The following TSHZ2 variants were observed in gnomAD, a reference collection of about 807,000 sequenced individuals.
TSHZ2 encodes teashirt homolog 2.
Under a neutral mutation model 74.4 loss-of-function variants are expected in TSHZ2, and 21 were observed. The observed-to-expected ratio is 0.28, with a 90% confidence interval of 0.20 to 0.41. The LOEUF is 0.41. Among genes scored for constraint, TSHZ2 ranks in the 10% least tolerant of loss-of-function variants. The pLI is 1.00. For synonymous variants in TSHZ2, 540 were observed against 515.3 expected (o/e 1.05, Z -0.65); for missense variants, 1,244 against 1,293.5 (o/e 0.96, Z 0.59).
Position 53,116,255 on chromosome 20 carries a change from T to A in TSHZ2, c.41-137244T>A, listed in dbSNP as rs1284083916. Among the ~76,000 whole-genome samples the A allele has an allele frequency of 3.1e-3, 472 of 152,352 alleles. 2 individuals carry two copies. Among genetic ancestry groups the A allele is most frequent in the African/African-American group, 0.011 (459 of 41,584 alleles). The stretch of plus-strand genomic sequence containing the variant: ...AAATGATGAAAAAGGAATGCACATT[T>A]AAGGAGGGAGGGGAGATGCCCTAGT... On this transcript the variant is annotated intron_variant, in intron 1 of 2. Transcript: ENST00000371497.
At chr20:53,196,702 AT>A (rs1988879891) in intron 1 of TSHZ2, among the ~76,000 whole-genome samples, 1 of 152,212 alleles carries the variant, frequency 6.6e-6, no homozygotes, top group South Asian at 2.1e-4. Context: ...ATACGATCTT[AT>A]TCACACAACA....
At chr20:53,099,920 A>G (rs1249348045) in intron 1 of TSHZ2, among the ~76,000 whole-genome samples, 1 of 152,170 alleles carries the variant, frequency 6.6e-6, no homozygotes, top group Non-Finnish European at 1.5e-5. Context: ...TCCTCTACAC[A>G]CTAACCTGGT....
At chr20:53,014,591 C>T (rs1982970159) in intron 1 of TSHZ2, among the ~76,000 whole-genome samples, 1 of 152,150 alleles carries the variant, frequency 6.6e-6, no homozygotes. Flanking sequence ...GTTCTACCCT[C>T]CTCTTCCTCT....
At chr20:53,292,205 A>G (rs1370899095) in intron 2 of TSHZ2, among the ~76,000 whole-genome samples, 1 of 152,162 alleles carries the variant, frequency 6.6e-6, no homozygotes, top group Non-Finnish European at 1.5e-5. Flanking sequence ...CATGTTTTCT[A>G]TACCAAAACT....
chr20:53,380,106 G>A (rs16998009), intron 2 of TSHZ2, among the ~76,000 whole-genome samples: 18,869 of 151,996 alleles, frequency 0.12, 2,784 homozygotes, highest in African/African-American at 0.35. Flanking sequence ...TTCAAGAGAA[G>A]CCTAACTTGA....
chr20:53,187,309 G>A (rs769346779), intron 1 of TSHZ2, among the ~76,000 whole-genome samples: 10 of 152,132 alleles, frequency 6.6e-5, no homozygotes, highest in Non-Finnish European at 1.5e-4. Flanking sequence ...AGCAGGTATC[G>A]ATTGTGTATA....
At chr20:53,396,863 AC>A (rs1422605867) in intron 2 of TSHZ2, among the ~76,000 whole-genome samples, 12 of 151,510 alleles carry the variant, frequency 7.9e-5, no homozygotes, top group Admixed American at 5.3e-4. Flanking sequence ...AAAAAAAAAA[AC>A]AGAGAGAGAA....
intron 1 of TSHZ2, among the ~76,000 whole-genome samples, chr20:53,093,033 A>T (rs1157777929): frequency 3.3e-5 from 5 of 152,214 alleles, no homozygotes; most frequent in Non-Finnish European, 5.9e-5. Context: ...TAGGGAGCAC[A>T]GAAGAGATGC....
At chr20:53,082,418 C>T (rs1334452396) in intron 1 of TSHZ2, among the ~76,000 whole-genome samples, 1 of 152,122 alleles carries the variant, frequency 6.6e-6, no homozygotes, top group Non-Finnish European at 1.5e-5. Context: ...GTGGGAGGCA[C>T]CATTAGTAGT....
At position 53,255,578 on chromosome 20, in the gene TSHZ2, G is replaced by A; in HGVS notation, c.2120G>A (p.Gly707Asp). ...CAGTCCGTCCTGAACAATCACTTGGGCAAAGCCACGGAGCCCTTGCGCTCA... is the reference window on the plus strand; with the variant it reads ...CAGTCCGTCCTGAACAATCACTTGGACAAAGCCACGGAGCCCTTGCGCTCA... ...ALQSVLNNHL[G>D]KATEPLRSPS... Residue 707 changes from glycine to aspartate, a missense_variant, in exon 2 of 3, where the codon GGC becomes GAC. By Grantham distance (94) the Gly-to-Asp change is moderately conservative (BLOSUM62 -1). This residue lies in a region of TSHZ2 where 562 missense variants were observed against 544.0 expected (regional missense o/e 1.03). Coordinates refer to ENST00000371497, the MANE Select transcript of TSHZ2 (RefSeq NM_173485.6). This position sits in a 1 kb window ranked among gnomAD's most constrained non-coding sequence, Gnocchi z 4.1. 3 of 1,581,490 alleles carry A rather than the reference G, an allele frequency of 1.9e-6. No individual in the cohort carries two copies. The highest frequency in any genetic ancestry group is 1.2e-5 in the South Asian group (1 of 85,076).
intron 1 of TSHZ2, among the ~76,000 whole-genome samples, chr20:53,022,693 T>C (rs953835825): frequency 6.6e-6 from 1 of 152,216 alleles, no homozygotes; most frequent in African/African-American, 2.4e-5. Context: ...CTCCCAGGTA[T>C]ACAGACAATA....
At chr20:53,164,046 ATC>A (rs1988010141) in intron 1 of TSHZ2, among the ~76,000 whole-genome samples, 2 of 152,080 alleles carry the variant, frequency 1.3e-5, no homozygotes, top group African/African-American at 4.8e-5. Context: ...TGCTTATTTA[ATC>A]TCTCCTTTAT....
intron 1 of TSHZ2, among the ~76,000 whole-genome samples, chr20:53,181,416 C>A (rs75103320): frequency 0.021 from 3,187 of 152,270 alleles, 103 homozygotes; most frequent in African/African-American, 0.072. Context: ...TAAATAGATT[C>A]TGTTTCTGAC....
Position 53,074,920 on chromosome 20 carries a change from T to G in TSHZ2, c.40+101587T>G, listed in dbSNP as rs1158288971. Among the ~76,000 whole-genome samples the G allele has an allele frequency of 1.3e-5, 2 of 152,238 alleles. No individual in the cohort carries two copies. Among genetic ancestry groups the G allele is most frequent in the East Asian group, 1.9e-4 (1 of 5,192 alleles). On this transcript the variant is annotated intron_variant, in intron 1 of 2. Transcript: ENST00000371497. This position sits in a 1 kb window ranked among gnomAD's most constrained non-coding sequence, Gnocchi z 5.9. ...AGAACCCCAACCCTCCCAAGGTATT[T>G]GACCTTGCAGGTCAGTGTTTTTCCC...
intron 2 of TSHZ2, among the ~76,000 whole-genome samples, chr20:53,454,110 C>T (rs1302530852): frequency 6.6e-6 from 1 of 152,196 alleles, no homozygotes; most frequent in African/African-American, 2.4e-5. Context: ...ACAATTGCTA[C>T]TGAAAATTCC....
At chr20:53,127,253 T>G (rs1278830066) in intron 1 of TSHZ2, among the ~76,000 whole-genome samples, 2 of 152,200 alleles carry the variant, frequency 1.3e-5, no homozygotes, top group Admixed American at 1.3e-4. Context: ...ATATATTCAA[T>G]GAGACAGAAA....
At chr20:53,099,299 A>G (rs1470448770) in intron 1 of TSHZ2, among the ~76,000 whole-genome samples, 1 of 151,934 alleles carries the variant, frequency 6.6e-6, no homozygotes, top group Admixed American at 6.6e-5. Flanking sequence ...AAAGTCATAA[A>G]CCCTATTATT....
intron 2 of TSHZ2, among the ~76,000 whole-genome samples, chr20:53,469,169 G>T (rs1354919223): frequency 6.8e-6 from 1 of 147,874 alleles, no homozygotes; most frequent in Non-Finnish European, 1.5e-5. Flanking sequence ...AACCTAGAGA[G>T]GTTTTTTTCT....
At chr20:53,132,586 A>G (rs1485892064) in intron 1 of TSHZ2, among the ~76,000 whole-genome samples, 2 of 152,074 alleles carry the variant, frequency 1.3e-5, no homozygotes, top group Non-Finnish European at 2.9e-5. Context: ...AACCCTGCCC[A>G]TAATTTTTTT....
Sources: allele counts gnomAD v4.1 joint callset (sites outside exome capture counted in the v4.1 genomes callset), GRCh38; gene constraint gnomAD v4.1.1; regional missense constraint gnomAD v4.1.1; non-coding constraint Gnocchi (gnomAD v3.1); transcripts MANE v1.5; gene names NCBI Gene and HGNC (gene_info 2026-07-23, HGNC 2026-07-21).